Variants in SPTBN4 observed in about 807,000 individuals in gnomAD.
SPTBN4 encodes spectrin beta, non-erythrocytic 4.
Under a neutral mutation model 277.8 loss-of-function variants are expected in SPTBN4, and 96 were observed. That is an observed-to-expected ratio of 0.35 (90% CI 0.29 to 0.41). The LOEUF (loss-of-function observed/expected upper bound fraction) is 0.41, where lower values mean the gene tolerates loss of function less well. Among genes scored for constraint, SPTBN4 ranks in the 10% least tolerant of loss-of-function variants. SPTBN4 has a pLI of 1.00. For synonymous variants in SPTBN4, 1,481 were observed against 1,580.3 expected, an observed-to-expected ratio of 0.94 and a Z score of 1.49; for missense variants, 3,006 against 3,595.7, an observed-to-expected ratio of 0.84 and a Z score of 4.19.
intron 5 of SPTBN4, among the ~76,000 whole-genome samples, chr19:40,493,482 G>C (rs1437712301): frequency 5.9e-5 from 9 of 152,204 alleles, no homozygotes; most frequent in Non-Finnish European, 2.9e-5. Flanking sequence ...CTAGGACTTT[G>C]AGATCAGCCT....
intron 17 of SPTBN4, 42 bp from the exon 18 acceptor site, chr19:40,528,999 C>A: frequency 1.3e-6 from 2 of 1,558,738 alleles, no homozygotes; most frequent in Non-Finnish European, 1.8e-6. Context: ...CCGCACCCCC[C>A]AACCCGGGGC....
At chr19:40,501,087 G>A (rs1182903319) in intron 7 of SPTBN4, among the ~76,000 whole-genome samples, 1 of 151,916 alleles carries the variant, frequency 6.6e-6, no homozygotes, top group Non-Finnish European at 1.5e-5. Context: ...GGAAATTTGA[G>A]TTGAGCCAGG....
chr19:40,572,070 CAAG>C lies in SPTBN4; in HGVS notation c.7372_7374del (p.Lys2458del). The C allele has an allele frequency of 6.2e-7, 1 of 1,610,804 alleles. No individual in the cohort carries two copies. The highest frequency in any genetic ancestry group is 8.5e-7 in the Non-Finnish European group (1 of 1,178,512). On this transcript the variant is annotated inframe_deletion, in exon 34 of 36. Transcript: ENST00000598249. Reference sequence around the variant, plus strand: ...TTAGTAAGGGGGAACTGGGCTTCTACAAGGACTCCAAGGGCCCGGCATCCGGGA... The same window carrying C: ...TTAGTAAGGGGGAACTGGGCTTCTACGACTCCAAGGGCCCGGCATCCGGGA...
At position 40,515,496 on chromosome 19, in the gene SPTBN4, C is replaced by T; in HGVS notation, c.2903+48C>T. The T allele has an allele frequency of 6.6e-7, 1 of 1,518,076 alleles. No individual in the cohort carries two copies. Among genetic ancestry groups the T allele is most frequent in the Non-Finnish European group, 8.8e-7 (1 of 1,130,348 alleles). 94.0% of individuals were successfully genotyped at this position (1,518,076 alleles called of 1,614,324 possible). A position where few individuals can be genotyped will look rare whatever the true frequency, so the allele number is the denominator to read the frequency against. ...GTCCCTCCCATCCTTCCCTTCCACA[C>T]TCACACAGCCATGGACAGCAAGATG... On this transcript the variant is annotated intron_variant, in intron 15 of 35. Coordinates refer to ENST00000598249, the MANE Select transcript of SPTBN4 (RefSeq NM_020971.3). The surrounding 1 kb of genome is among the most constrained non-coding windows in gnomAD (Gnocchi z 4.1).
Position 40,513,091 on chromosome 19 carries a change from C to T in SPTBN4, c.2302C>T (p.Arg768Trp). 3.5e-6 allele frequency: 5 copies of T among 1,419,114 alleles called. No individual in the cohort carries two copies. The highest frequency in any genetic ancestry group is 1.5e-5 in the South Asian group (1 of 68,612). The allele number at this position is 1,419,114 out of a possible 1,614,324, so 87.9% of individuals were successfully genotyped here. ...LEEAAARRER[R>W]LQEARALHQF... ...AGAGGCGGCGGCGCGGCGAGAGCGG[C>T]GGCTGCAGGAGGCGCGGGCGCTGCA... Residue 768 changes from arginine (R) to tryptophan (W), a missense_variant, in exon 14 of 36, where the codon CGG becomes TGG. Around this residue, in one of 5 missense-constraint regions of SPTBN4, gnomAD observed 1,759 missense variants for 2,061.5 expected, o/e 0.85. Coordinates refer to ENST00000598249, the MANE Select transcript of SPTBN4 (RefSeq NM_020971.3).
At position 40,557,411 on chromosome 19, in the gene SPTBN4, G is replaced by A. The variant is rs748687412; in HGVS notation, c.5670+8G>A. ...CAGCTCCTCGTGTCCCAGGTGGGGC[G>A]CCGGTGGCCATCAGGGCAGGTGGGA... On this transcript the variant is annotated splice_region_variant and intron_variant, in intron 26 of 35. Transcript: ENST00000598249. 1.6e-5 allele frequency: 25 copies of A among 1,546,428 alleles called. No homozygotes were observed. In the Admixed American group the frequency reaches 1.7e-4, roughly 11 times the overall value.
At chr19:40,467,785 T>C (rs185183735) in intron 1 of SPTBN4, among the ~76,000 whole-genome samples, 3 of 152,250 alleles carry the variant, frequency 2.0e-5, no homozygotes, top group Admixed American at 2.0e-4. Flanking sequence ...TCTCTAAGTG[T>C]CTTCCACTGA....
intron 4 of SPTBN4, among the ~76,000 whole-genome samples, chr19:40,491,856 C>G (rs1485845785): frequency 6.6e-6 from 1 of 151,020 alleles, no homozygotes; most frequent in Non-Finnish European, 1.5e-5. Context: ...AACCCTATCT[C>G]TACTAAAAAT....
rs1011327803 is a variant in SPTBN4, at chr19:40,483,009, TAC to T, written c.170-4676_170-4675del. On this transcript the variant is annotated intron_variant, in intron 2 of 35. Transcript: ENST00000598249. ...AATAAATAAATAAAATATATATGTA[TAC>T]ACACACACACATAGACACACACACC... 2.6e-5 allele frequency among the ~76,000 whole-genome samples: 4 copies of T among 151,054 alleles called. No homozygotes were observed. In the East Asian group the frequency reaches 5.8e-4, roughly 22 times the overall value.
Position 40,519,026 on chromosome 19 carries a change from CT to C in SPTBN4, c.2904-372del, listed in dbSNP as rs2080492032. ...CATTGTTTCGTACCTTTGCAAATCTCTTTAAAGTCTGGTTTAAGAGATGGCA... is the reference window on the plus strand; with the variant it reads ...CATTGTTTCGTACCTTTGCAAATCTCTTAAAGTCTGGTTTAAGAGATGGCA... On this transcript the variant is annotated intron_variant, in intron 15 of 35. Transcript: ENST00000598249. The surrounding 1 kb of genome is among the most constrained non-coding windows in gnomAD (Gnocchi z 5.7). Among the ~76,000 whole-genome samples the C allele has an allele frequency of 6.6e-6, 1 of 152,158 alleles. No individual in the cohort carries two copies. The highest frequency in any genetic ancestry group is 1.5e-5 in the Non-Finnish European group (1 of 68,028).
intron 7 of SPTBN4, among the ~76,000 whole-genome samples, chr19:40,501,411 G>A (rs962440531): frequency 2.0e-5 from 3 of 152,118 alleles, no homozygotes; most frequent in African/African-American, 7.2e-5. Flanking sequence ...GCTCACATCT[G>A]TAATCCCAGC....
chr19:40,516,377 A>G (rs962683459), intron 15 of SPTBN4, among the ~76,000 whole-genome samples: 2 of 151,950 alleles, frequency 1.3e-5, no homozygotes, highest in African/African-American at 4.8e-5. Flanking sequence ...ATCATGGCTC[A>G]TTGCAGCCTC....
chr19:40,523,505 C>T lies in SPTBN4; in HGVS notation c.3723C>T (p.His1241=). The change falls in exon 17 of 36, where the codon CAC becomes CAT. Residue 1241 remains histidine, a synonymous_variant. Transcript: ENST00000598249. The part of the protein sequence containing the change: ...VESVEEALKQ[H]RDFLTTMELS... Reference sequence around the variant, plus strand: ...CGGTGGAGGAGGCCTTGAAACAGCACCGTGACTTTCTCACCACCATGGAGC... The same window carrying T: ...CGGTGGAGGAGGCCTTGAAACAGCATCGTGACTTTCTCACCACCATGGAGC... The T allele has an allele frequency of 6.2e-7, 1 of 1,614,044 alleles. No individual in the cohort carries two copies. Among genetic ancestry groups the T allele is most frequent in the South Asian group, 1.1e-5 (1 of 91,022 alleles).
intron 2 of SPTBN4, 57 bp from the exon 3 acceptor site, chr19:40,487,640 C>G (rs917373410): frequency 6.4e-7 from 1 of 1,559,238 alleles, no homozygotes; most frequent in Non-Finnish European, 8.7e-7. Flanking sequence ...GCTTGGCTCG[C>G]GGAGGGCTGG....
At position 40,565,741 on chromosome 19, in the gene SPTBN4, G is replaced by C. The variant is rs1427366509; in HGVS notation, c.6135G>C (p.Gln2045His). ...GGGACCGCCATTGGGAGTGGCTGCA[G>C]CAGAGTGAGTGGGGGCCCAGGCACA... ...EKWDRHWEWL[Q>H]QMLEVHQFAQ... Residue 2045 changes from glutamine to histidine, a missense_variant, in exon 29 of 36, where the codon CAG (glutamine) becomes CAC (histidine). Around this residue, in one of 5 missense-constraint regions of SPTBN4, gnomAD observed 425 missense variants for 594.7 expected, o/e 0.71. Coordinates refer to ENST00000598249, the MANE Select transcript of SPTBN4 (RefSeq NM_020971.3). The C allele has an allele frequency of 2.6e-6, 4 of 1,552,056 alleles. No individual in the cohort carries two copies. Among genetic ancestry groups the C allele is most frequent in the Non-Finnish European group, 3.5e-6 (4 of 1,147,710 alleles).
At chr19:40,469,040 A>G (rs1205704853) in intron 1 of SPTBN4, among the ~76,000 whole-genome samples, 1 of 152,042 alleles carries the variant, frequency 6.6e-6, no homozygotes, top group Non-Finnish European at 1.5e-5. Context: ...TGGAGGCTAC[A>G]GGGAGCTATG....
At position 40,519,994 on chromosome 19, in the gene SPTBN4, C is replaced by G. The variant is rs1599759577; in HGVS notation, c.3497C>G (p.Pro1166Arg). 1 of 1,560,762 alleles carries G rather than the reference C, an allele frequency of 6.4e-7. No homozygotes were observed. The highest frequency in any genetic ancestry group is 8.6e-7 in the Non-Finnish European group (1 of 1,158,622). Residue 1166 changes from proline (P) to arginine (R), a missense_variant, in exon 16 of 36, where the codon CCG becomes CGG. Physicochemically the swap from Pro to Arg is moderately radical, Grantham distance 103. Around this residue, in one of 5 missense-constraint regions of SPTBN4, gnomAD observed 1,759 missense variants for 2,061.5 expected, o/e 0.85. Transcript: ENST00000598249. The surrounding 1 kb of genome is among the most constrained non-coding windows in gnomAD (Gnocchi z 5.7). ...GCCGCCGACGGCGCAGAGCTGGGCC[C>G]GGGCCTGGCACTAGACGAGTGGCTG... is the stretch of plus-strand genomic sequence containing the variant. Reference protein sequence around the residue: ...LLAADGAELGPGLALDEWLPH... With the variant: ...LLAADGAELGRGLALDEWLPH...
At chr19:40,470,950 A>G (rs1040889522) in intron 1 of SPTBN4, among the ~76,000 whole-genome samples, 4 of 142,684 alleles carry the variant, frequency 2.8e-5, no homozygotes, top group African/African-American at 1.1e-4. Context: ...CAAATATTCT[A>G]TCACCTTTTT....
Position 40,560,550 on chromosome 19 carries a change from C to T in SPTBN4, c.5915+147C>T. The T allele has an allele frequency of 6.5e-7, 1 of 1,534,726 alleles. No individual in the cohort carries two copies. On this transcript the variant is annotated intron_variant, in intron 27 of 35. Transcript: ENST00000598249. The surrounding 1 kb of genome is among the most constrained non-coding windows in gnomAD (Gnocchi z 5.2). ...TGTGTGCTAGGCACTGTTCTAGGTG[C>T]TTCGTGTGTATTCAGACCCCTTTTT...
Sources: gnomAD v4.1 joint callset for allele counts (sites outside exome capture counted in the v4.1 genomes callset) on GRCh38, gnomAD v4.1.1 for gene constraint, gnomAD v4.1.1 regional missense constraint, Gnocchi (gnomAD v3.1) non-coding constraint, MANE v1.5 for transcripts, NCBI Gene and HGNC (gene_info 2026-07-23, HGNC 2026-07-21) for gene names.